LMLN: variants seen among roughly 807,000 people sequenced by gnomAD.
LMLN encodes leishmanolysin-like peptidase.
LMLN carries 70 observed loss-of-function variants against 92.3 expected under a neutral mutation model. The ratio of observed to expected loss-of-function variants is 0.76; its 90% CI spans 0.63 to 0.92. The LOEUF (loss-of-function observed/expected upper bound fraction) is 0.92. Ranked by LOEUF, LMLN falls within the 40% of genes least tolerant of loss-of-function variation. LMLN has a pLI of 0.00. For missense variants in LMLN, 691 were observed against 814.6 expected (o/e 0.85, Z 1.85); for synonymous variants, 308 against 296.2 (o/e 1.04, Z -0.41).
chr3:198,029,377 CA>C (rs1002445303), intron 14 of LMLN, among the ~76,000 whole-genome samples: 1 of 152,056 alleles, frequency 6.6e-6, no homozygotes, highest in Non-Finnish European at 1.5e-5. Flanking sequence ...TGTCTGCTTC[CA>C]AAAAACTACA....
At chr3:197,984,802 A>G (rs1182439829) in intron 7 of LMLN, among the ~76,000 whole-genome samples, 2 of 151,636 alleles carry the variant, frequency 1.3e-5, no homozygotes, top group Admixed American at 6.6e-5. Flanking sequence ...CAACCTCCAG[A>G]GTAGCTGGGA....
chr3:198,017,929 A>G (rs920864732), intron 11 of LMLN, among the ~76,000 whole-genome samples: 5 of 152,088 alleles, frequency 3.3e-5, no homozygotes, highest in African/African-American at 1.2e-4. Flanking sequence ...ATAAATAAAT[A>G]AATAAGTTCC....
intron 7 of LMLN, 31 bp from the exon 8 acceptor site, chr3:197,985,765 A>G (rs536504890): frequency 6.9e-7 from 1 of 1,448,940 alleles, no homozygotes; most frequent in East Asian, 2.3e-5. Flanking sequence ...GATGTTTTTC[A>G]CTTGAAGACA....
chr3:197,985,390 T>TGC (rs1553818720), intron 7 of LMLN, among the ~76,000 whole-genome samples: 1 of 142,402 alleles, frequency 7.0e-6, no homozygotes, highest in Non-Finnish European at 1.5e-5. Flanking sequence ...TTTCATAATG[T>TGC]ACACACACAC....
At chr3:198,006,560 C>T (rs1220274035) in intron 11 of LMLN, among the ~76,000 whole-genome samples, 6 of 152,128 alleles carry the variant, frequency 3.9e-5, no homozygotes, top group African/African-American at 1.2e-4. Context: ...CAGCATTTGG[C>T]GTTGTCACAA....
intron 7 of LMLN, 44 bp downstream of exon 7, chr3:197,984,092 C>A: frequency 8.1e-7 from 1 of 1,236,526 alleles, no homozygotes; most frequent in Non-Finnish European, 1.2e-6. Flanking sequence ...CCTTGATTTT[C>A]TGCTTAGTAT....
chr3:197,974,318 G>T (rs1281097164), intron 1 of LMLN, 59 bp from the exon 2 acceptor site: 6 of 833,544 alleles, frequency 7.2e-6, no homozygotes, highest in Non-Finnish European at 1.2e-5. Context: ...TTTAAGTTTG[G>T]ATTGCAGTGG....
At chr3:198,039,387 T>C (rs1723335529) in exon 16 of LMLN, 1 of 152,292 alleles carries the variant, frequency 6.6e-6, no homozygotes, top group African/African-American at 2.4e-5. Context: ...CTCAAAAGTA[T>C]AAATTGTCCT....
Position 197,960,447 on chromosome 3 carries a change from C to A in LMLN, c.219+7C>A, listed in dbSNP as rs1249016785. On this transcript the variant is annotated splice_region_variant and intron_variant, in intron 1 of 15. Transcript: ENST00000330198. ...CGTCCCCTCTGACACTGAGGTAGGG[C>A]GACATGGGCGGGAGCGGGCCCTCTC... The A allele has an allele frequency of 1.2e-6, 2 of 1,611,450 alleles. No individual in the cohort carries two copies. Among genetic ancestry groups the A allele is most frequent in the Non-Finnish European group, 1.7e-6 (2 of 1,178,238 alleles).
chr3:197,984,924 C>T (rs866308280), intron 7 of LMLN, among the ~76,000 whole-genome samples: 2 of 152,114 alleles, frequency 1.3e-5, no homozygotes, highest in African/African-American at 4.8e-5. Flanking sequence ...TGATCCCCCC[C>T]GCCTCAGCCT....
Position 197,999,252 on chromosome 3 carries a change from T to C in LMLN, c.1156-14T>C. ...GAGAATCTAGTCTAATTAAACCCTG[T>C]TGGTGATTTTCAGAATGAAGCGATG... On this transcript the variant is annotated splice_polypyrimidine_tract_variant and intron_variant, in intron 10 of 15. Coordinates refer to ENST00000330198, the Ensembl canonical transcript of LMLN. 6.3e-7 allele frequency: 1 copy of C among 1,597,712 alleles called. No homozygotes were observed. Among genetic ancestry groups the C allele is most frequent in the Non-Finnish European group, 8.6e-7 (1 of 1,165,100 alleles).
intron 11 of LMLN, among the ~76,000 whole-genome samples, chr3:198,006,851 T>C (rs539931460): frequency 6.6e-6 from 1 of 152,290 alleles, no homozygotes; most frequent in South Asian, 2.1e-4. Context: ...TAGCTGGGAC[T>C]ACAGGCACGT....
chr3:198,012,288 C>T (rs1331910596), intron 11 of LMLN, among the ~76,000 whole-genome samples: 1 of 152,204 alleles, frequency 6.6e-6, no homozygotes, highest in Non-Finnish European at 1.5e-5. Flanking sequence ...TGGTCTTGAA[C>T]TGCTGACCTC....
At chr3:197,980,639 C>A in intron 6 of LMLN, 135 bp downstream of exon 6, 2 of 831,276 alleles carry the variant, frequency 2.4e-6, no homozygotes. Context: ...AGCATGCTGC[C>A]TGGGTTTGGA....
chr3:198,012,539 C>A (rs1722475859), intron 11 of LMLN, among the ~76,000 whole-genome samples: 1 of 152,102 alleles, frequency 6.6e-6, no homozygotes, highest in Admixed American at 6.5e-5. Flanking sequence ...CTTCTCTCCA[C>A]CCTTCAGAGC....
rs756710031 is a variant in LMLN, at chr3:197,971,944, CTT to C, written c.220-2410_220-2409del. 9.6e-4 allele frequency among the ~76,000 whole-genome samples: 78 copies of C among 81,206 alleles called. No homozygotes were observed. The East Asian group carries it at 0.017, about 17-fold the overall frequency. The allele number at this position is 81,206 out of a possible 152,430, so 53.3% of individuals were successfully genotyped here. On this transcript the variant is annotated intron_variant, in intron 1 of 15. Coordinates refer to ENST00000330198, the Ensembl canonical transcript of LMLN. ...GGTACCCATTCTCTGAGTCTCTGTT[CTT>C]TTTTTTTTTTTTTTTTTTTTTTAGT...
chr3:197,971,141 C>T (rs1279191255), intron 1 of LMLN, among the ~76,000 whole-genome samples: 2 of 152,138 alleles, frequency 1.3e-5, no homozygotes, highest in Non-Finnish European at 2.9e-5. Context: ...CTTCTCTTCC[C>T]TTCCTATGTA....
At chr3:197,966,969 C>T (rs1560131980) in intron 1 of LMLN, among the ~76,000 whole-genome samples, 2 of 151,938 alleles carry the variant, frequency 1.3e-5, no homozygotes, top group African/African-American at 2.4e-5. Flanking sequence ...CATTTATTTT[C>T]ATGTTTAGTG....
chr3:197,992,202 C>T (rs577968797), intron 9 of LMLN, among the ~76,000 whole-genome samples: 30 of 152,162 alleles, frequency 2.0e-4, no homozygotes, highest in African/African-American at 6.3e-4. Context: ...TTCTGTTTCT[C>T]CGGAGAACCT....
Sources: allele counts gnomAD v4.1 joint callset (sites outside exome capture counted in the v4.1 genomes callset), GRCh38; gene constraint gnomAD v4.1.1; transcripts MANE v1.5; gene names NCBI Gene and HGNC (gene_info 2026-07-23, HGNC 2026-07-21).